Variants in KLHL1 observed in about 807,000 individuals in gnomAD.
The protein encoded by KLHL1 is kelch-like protein 1.
Under a neutral mutation model 77.7 loss-of-function variants are expected in KLHL1, and 47 were observed. The ratio of observed to expected loss-of-function variants is 0.60; its 90% CI spans 0.48 to 0.77. The LOEUF (loss-of-function observed/expected upper bound fraction) is 0.77. Among genes scored for constraint, KLHL1 ranks in the 30% least tolerant of loss-of-function variants. The probability of loss-of-function intolerance (pLI) is 0.00; values close to 1 mark genes in which losing one functional copy is unlikely to be tolerated. For missense variants in KLHL1, 925 were observed against 910.8 expected, an observed-to-expected ratio of 1.02 and a Z score of -0.20; for synonymous variants, 360 against 325.2, an observed-to-expected ratio of 1.11 and a Z score of -1.15.
rs528715440 is a variant in KLHL1, at chr13:69,720,651, C to A, written c.1803-1070G>T. Among the ~76,000 whole-genome samples, 5 of 151,954 alleles carry A rather than the reference C, an allele frequency of 3.3e-5. No homozygotes were observed. The South Asian group carries it at 8.3e-4, about 25-fold the overall frequency. On this transcript the variant is annotated intron_variant, in intron 8 of 10. Transcript: ENST00000377844. ...ATTTAAATAAGTAACCAGAAAAGGT[C>A]TCACTGAAACCTTTTGCAAAAAAAC...
chr13:69,982,101 T>TTTTGTA (rs1323246492), intron 1 of KLHL1, among the ~76,000 whole-genome samples: 3 of 152,072 alleles, frequency 2.0e-5, no homozygotes. Context: ...ATAAGGTGTA[T>TTTTGTA]TTTGTAACCC....
chr13:69,983,589 A>AAAAAAAAAAAAAAAAAAAAAAAG (rs1216543322), intron 1 of KLHL1, among the ~76,000 whole-genome samples: 76 of 132,108 alleles, frequency 5.8e-4, no homozygotes, highest in African/African-American at 2.0e-3. Context: ...AAAAAAAAAA[A>AAAAAAAAAAAAAAAAAAAAAAAG]AAGAAGAAGA....
At chr13:69,853,307 T>C (rs1281165216) in intron 5 of KLHL1, among the ~76,000 whole-genome samples, 1 of 151,960 alleles carries the variant, frequency 6.6e-6, no homozygotes, top group Non-Finnish European at 1.5e-5. Flanking sequence ...AGAGATAAGA[T>C]GGTTTTATAA....
chr13:69,729,384 A>T (rs999868051), intron 8 of KLHL1, among the ~76,000 whole-genome samples: 1 of 152,186 alleles, frequency 6.6e-6, no homozygotes, highest in Non-Finnish European at 1.5e-5. Flanking sequence ...AGTGTCATGA[A>T]TAACCTAAAC....
At chr13:69,784,478 G>A (rs913957523) in intron 7 of KLHL1, among the ~76,000 whole-genome samples, 1 of 152,020 alleles carries the variant, frequency 6.6e-6, no homozygotes, top group Admixed American at 6.6e-5. Flanking sequence ...CAAAATAAAG[G>A]GATGGAGAAA....
At chr13:69,903,273 A>AC (rs1881932802) in intron 4 of KLHL1, among the ~76,000 whole-genome samples, 1 of 151,870 alleles carries the variant, frequency 6.6e-6, no homozygotes, top group African/African-American at 2.4e-5. Flanking sequence ...AACCCACCAC[A>AC]CCCCCACTTG....
chr13:69,905,372 G>T (rs1882012226), intron 4 of KLHL1, among the ~76,000 whole-genome samples: 1 of 151,880 alleles, frequency 6.6e-6, no homozygotes, highest in African/African-American at 2.4e-5. Flanking sequence ...CTGAACTTGG[G>T]GTGTTCTTTC....
chr13:69,971,949 T>A (rs1349712171), intron 2 of KLHL1, among the ~76,000 whole-genome samples: 1 of 152,048 alleles, frequency 6.6e-6, no homozygotes, highest in East Asian at 1.9e-4. Context: ...AACATTAAAA[T>A]GATATCCAAG....
intron 4 of KLHL1, among the ~76,000 whole-genome samples, chr13:69,897,524 C>T (rs977333127): frequency 2.0e-5 from 3 of 152,214 alleles, no homozygotes; most frequent in Non-Finnish European, 4.4e-5. Flanking sequence ...CGTAGTTATA[C>T]TTGCCTTCAC....
chr13:69,779,344 C>CCTT (rs1566241452), intron 7 of KLHL1, among the ~76,000 whole-genome samples: 8 of 151,004 alleles, frequency 5.3e-5, no homozygotes, highest in Admixed American at 2.0e-4. Context: ...TTCCTTCCTT[C>CCTT]CCTCCTCTTT....
intron 1 of KLHL1, among the ~76,000 whole-genome samples, chr13:70,016,782 G>A (rs1437001812): frequency 2.0e-5 from 3 of 152,156 alleles, no homozygotes; most frequent in Admixed American, 2.0e-4. Flanking sequence ...AAGCCAGGGG[G>A]CCAGATTTTT....
chr13:69,728,534 T>C (rs996747513), intron 8 of KLHL1, among the ~76,000 whole-genome samples: 2 of 151,580 alleles, frequency 1.3e-5, no homozygotes, highest in Non-Finnish European at 2.9e-5. Context: ...AGCATGAAGC[T>C]TTGCACACCT....
intron 1 of KLHL1, among the ~76,000 whole-genome samples, chr13:70,093,463 A>G (rs1887717256): frequency 6.6e-6 from 1 of 152,224 alleles, no homozygotes. Context: ...CATTTTTAAT[A>G]GTAATAGTAG....
At chr13:69,720,264 A>G (rs1872983985) in intron 8 of KLHL1, among the ~76,000 whole-genome samples, 1 of 151,674 alleles carries the variant, frequency 6.6e-6, no homozygotes, top group South Asian at 2.1e-4. Context: ...TGCATCATAA[A>G]TGGTACTAAC....
intron 4 of KLHL1, among the ~76,000 whole-genome samples, chr13:69,891,221 T>C (rs1218518227): frequency 6.6e-6 from 1 of 152,088 alleles, no homozygotes; most frequent in Admixed American, 6.5e-5. Context: ...CTGAAGTGAA[T>C]GGCTGCCAGT....
intron 1 of KLHL1, among the ~76,000 whole-genome samples, chr13:70,042,003 T>A (rs531987921): frequency 6.6e-6 from 1 of 152,290 alleles, no homozygotes; most frequent in East Asian, 1.9e-4. Context: ...AGATTGTTTA[T>A]CATCTAAAAG....
intron 10 of KLHL1, among the ~76,000 whole-genome samples, chr13:69,702,933 G>A (rs2137865239): frequency 6.6e-6 from 1 of 151,786 alleles, no homozygotes; most frequent in South Asian, 2.1e-4. Context: ...CCATGAGAGA[G>A]ATGAGTGAAT....
At chr13:70,075,882 A>G (rs1887258149) in intron 1 of KLHL1, among the ~76,000 whole-genome samples, 1 of 150,594 alleles carries the variant, frequency 6.6e-6, no homozygotes, top group Admixed American at 6.7e-5. Context: ...TTGAAACACA[A>G]TGTAATTTTC....
chr13:69,727,738 A>G (rs940889531), intron 8 of KLHL1, among the ~76,000 whole-genome samples: 59 of 152,310 alleles, frequency 3.9e-4, no homozygotes, highest in Non-Finnish European at 5.9e-4. Flanking sequence ...TATCTTAGCC[A>G]GTCAACTATT....
Sources: gnomAD v4.1 joint callset for allele counts (sites outside exome capture counted in the v4.1 genomes callset) on GRCh38, gnomAD v4.1.1 for gene constraint, MANE v1.5 for transcripts, NCBI Gene and HGNC (gene_info 2026-07-23, HGNC 2026-07-21) for gene names.